The following GRM7 variants were observed in gnomAD, a reference collection of about 807,000 sequenced individuals.
The protein encoded by GRM7 is glutamate metabotropic receptor 7, also known as metabotropic glutamate receptor 7.
GRM7 carries 35 observed loss-of-function variants against 84.5 expected under a neutral mutation model. The observed-to-expected ratio is 0.41, with a 90% CI of 0.32 to 0.55. The LOEUF is 0.55. Among genes scored for constraint, GRM7 ranks in the 20% least tolerant of loss-of-function variants. The pLI, the probability that GRM7 is intolerant of heterozygous loss-of-function variation, is 0.19. For missense variants in GRM7, 1,003 were observed against 1,194.6 expected, an observed-to-expected ratio of 0.84 and a Z score of 2.36; for synonymous variants, 487 against 455.1, an observed-to-expected ratio of 1.07 and a Z score of -0.89.
At chr3:7,349,755 A>G (rs115309653) in intron 4 of GRM7, among the ~76,000 whole-genome samples, 3 of 152,150 alleles carry the variant, frequency 2.0e-5, no homozygotes, top group Non-Finnish European at 4.4e-5. Context: ...GAGCAATTGC[A>G]TATGTAATTG....
At chr3:7,369,111 G>A (rs1694030670) in intron 4 of GRM7, among the ~76,000 whole-genome samples, 2 of 151,996 alleles carry the variant, frequency 1.3e-5, no homozygotes, top group South Asian at 4.1e-4. Flanking sequence ...CTGGAGTATG[G>A]TGGCACGATC....
intron 4 of GRM7, among the ~76,000 whole-genome samples, chr3:7,372,055 G>A (rs1694161011): frequency 6.6e-6 from 1 of 152,116 alleles, no homozygotes; most frequent in Non-Finnish European, 1.5e-5. Context: ...GGTCCAGTCA[G>A]ACATTCTGTA....
At chr3:6,933,505 A>T (rs1697580692) in intron 1 of GRM7, among the ~76,000 whole-genome samples, 1 of 152,314 alleles carries the variant, frequency 6.6e-6, no homozygotes, top group South Asian at 2.1e-4. Context: ...AAATTTATGC[A>T]AAGTCAACTC....
intron 7 of GRM7, among the ~76,000 whole-genome samples, chr3:7,559,952 G>C (rs1693940151): frequency 6.6e-6 from 1 of 151,938 alleles, no homozygotes; most frequent in Non-Finnish European, 1.5e-5. Flanking sequence ...AGTTCTATTG[G>C]ATTAGGGCCC....
intron 7 of GRM7, among the ~76,000 whole-genome samples, chr3:7,491,478 T>C (rs113679209): frequency 1.0e-3 from 159 of 152,210 alleles, no homozygotes; most frequent in African/African-American, 3.6e-3. Flanking sequence ...ATCCTCTGGT[T>C]TGTAATTTGC....
chr3:7,721,114 A>G (rs1701931511), intron 9 of GRM7, among the ~76,000 whole-genome samples: 1 of 152,242 alleles, frequency 6.6e-6, no homozygotes. Context: ...TTATTGCATC[A>G]TCTAGGACTC....
intron 1 of GRM7, among the ~76,000 whole-genome samples, chr3:7,110,316 T>A (rs1559447576): frequency 6.6e-6 from 1 of 152,008 alleles, no homozygotes; most frequent in Non-Finnish European, 1.5e-5. Flanking sequence ...TAATACTGAT[T>A]CAGGCCAGGC....
chr3:7,131,714 T>A (rs1206588352), intron 1 of GRM7, among the ~76,000 whole-genome samples: 6 of 152,100 alleles, frequency 3.9e-5, no homozygotes, highest in Non-Finnish European at 8.8e-5. Flanking sequence ...CTTGACCTCG[T>A]GATCCACCCG....
At position 7,380,420 on chromosome 3, in the gene GRM7, A is replaced by AC. The variant is rs1433662413; in HGVS notation, c.1034-34601dup. 2.6e-4 allele frequency among the ~76,000 whole-genome samples: 40 copies of AC among 152,224 alleles called. 1 individual carries two copies. Among genetic ancestry groups the AC allele is most frequent in the Non-Finnish European group, 1.5e-5 (1 of 68,038 alleles). ...TTTTGTGACACCAATCTATTGTGTC[A>AC]CCACAATATTTCAACTAGAGTTGAA... On this transcript the variant is annotated intron_variant, in intron 4 of 9. Coordinates refer to ENST00000357716, the MANE Select transcript of GRM7 (RefSeq NM_000844.4).
chr3:7,208,871 C>T (rs953910099), intron 2 of GRM7, among the ~76,000 whole-genome samples: 5 of 152,254 alleles, frequency 3.3e-5, no homozygotes, highest in East Asian at 1.9e-4. Flanking sequence ...TAAGCAATCA[C>T]GTGATTTCAG....
At chr3:7,297,820 C>T (rs566352647) in intron 2 of GRM7, among the ~76,000 whole-genome samples, 172 of 152,272 alleles carry the variant, frequency 1.1e-3, no homozygotes, top group African/African-American at 3.9e-3. Context: ...TTTCCTCTAC[C>T]CTTTTCATCG....
intron 9 of GRM7, among the ~76,000 whole-genome samples, chr3:7,697,340 A>G (rs980033821): frequency 4.6e-5 from 7 of 152,000 alleles, no homozygotes; most frequent in African/African-American, 1.7e-4. Context: ...TCTTCAGGGT[A>G]TCTCACTGAG....
At chr3:7,543,704 T>G (rs1305030132) in intron 7 of GRM7, among the ~76,000 whole-genome samples, 2 of 152,172 alleles carry the variant, frequency 1.3e-5, no homozygotes, top group East Asian at 1.9e-4. Context: ...TTGTCAGAAT[T>G]TAATAGGAGG....
chr3:7,014,609 C>G (rs763462509), intron 1 of GRM7, among the ~76,000 whole-genome samples: 1 of 152,148 alleles, frequency 6.6e-6, no homozygotes, highest in African/African-American at 2.4e-5. Flanking sequence ...AGCCACCACA[C>G]CTGGCCATAA....
chr3:7,360,135 C>CTGTG lies in GRM7; in HGVS notation c.1033+53484_1033+53485insGTGT, dbSNP rs1191039401. Reference sequence around the variant, plus strand: ...CTCTTTCTCCCCCCCTTTTTTTTCCCTCTGTGTGTGTGTGTGTGTGTGTGT... The same window carrying CTGTG: ...CTCTTTCTCCCCCCCTTTTTTTTCCCTGTGTCTGTGTGTGTGTGTGTGTGTGTGT... On this transcript the variant is annotated intron_variant, in intron 4 of 9. Transcript: ENST00000357716. Among the ~76,000 whole-genome samples, 10 of 102,950 alleles carry CTGTG rather than the reference C, an allele frequency of 9.7e-5. 1 individual carries two copies. Among genetic ancestry groups the CTGTG allele is most frequent in the African/African-American group, 4.5e-4 (10 of 22,372 alleles). The allele number at this position is 102,950 out of a possible 152,430, so 67.5% of individuals were successfully genotyped here.
At chr3:7,668,703 A>AT (rs1699805430) in intron 8 of GRM7, among the ~76,000 whole-genome samples, 1 of 152,240 alleles carries the variant, frequency 6.6e-6, no homozygotes, top group Admixed American at 6.5e-5. Context: ...AATACAGCAT[A>AT]TTTAGGAATA....
At chr3:7,139,592 T>C (rs538605191) in intron 1 of GRM7, among the ~76,000 whole-genome samples, 1 of 152,096 alleles carries the variant, frequency 6.6e-6, no homozygotes, top group Admixed American at 6.6e-5. Flanking sequence ...GAATACCTTA[T>C]AATAAATTAT....
chr3:7,102,100 AAAG>A (rs1184260739), intron 1 of GRM7, among the ~76,000 whole-genome samples: 3 of 151,866 alleles, frequency 2.0e-5, no homozygotes, highest in South Asian at 2.1e-4. Context: ...AACTAAGAAA[AAAG>A]AAGTTTATTT....
At chr3:7,582,019 C>T (rs905828851) in intron 8 of GRM7, among the ~76,000 whole-genome samples, 2 of 152,106 alleles carry the variant, frequency 1.3e-5, no homozygotes, top group African/African-American at 4.8e-5. Flanking sequence ...TGAACTTTAA[C>T]CACAAGAGAA....
Sources: gnomAD v4.1 joint callset for allele counts (sites outside exome capture counted in the v4.1 genomes callset) on GRCh38, gnomAD v4.1.1 for gene constraint, MANE v1.5 for transcripts, NCBI Gene and HGNC (gene_info 2026-07-23, HGNC 2026-07-21) for gene names.